VIPR2: variants seen among roughly 807,000 people sequenced by gnomAD.
VIPR2 encodes vasoactive intestinal peptide receptor 2.
VIPR2 carries 48 observed loss-of-function variants against 58.0 expected under a neutral mutation model. The ratio of observed to expected loss-of-function variants is 0.83; its 90% CI spans 0.66 to 1.05. The LOEUF (loss-of-function observed/expected upper bound fraction) is 1.05. VIPR2 is among the 50% of genes least tolerant of loss of function. VIPR2 has a pLI of 0.00. For synonymous variants in VIPR2, 243 were observed against 235.2 expected, an observed-to-expected ratio of 1.03 and a Z score of -0.30; for missense variants, 534 against 558.0, an observed-to-expected ratio of 0.96 and a Z score of 0.43.
intron 5 of VIPR2, among the ~76,000 whole-genome samples, chr7:159,053,798 T>C (rs1855143410): frequency 6.6e-6 from 1 of 152,224 alleles, no homozygotes. Flanking sequence ...TCATTCTGTC[T>C]TGGCCTCCCA....
At chr7:159,138,215 C>T (rs1297527764) in intron 2 of VIPR2, among the ~76,000 whole-genome samples, 1 of 152,222 alleles carries the variant, frequency 6.6e-6, no homozygotes, top group Non-Finnish European at 1.5e-5. Flanking sequence ...TCAGTGCCCA[C>T]ATGACGCTGT....
Position 159,099,220 on chromosome 7 carries a change from G to A in VIPR2, c.357+4537C>T, listed in dbSNP as rs1585489441. On this transcript the variant is annotated intron_variant, in intron 4 of 12. Transcript: ENST00000262178. This position sits in a 1 kb window ranked among gnomAD's most constrained non-coding sequence, Gnocchi z 4.2. ...TTTCTAATCCCTTAGCAGTGAATAT[G>A]CACTTATAATATTTGCAGAATCTCT... Among the ~76,000 whole-genome samples the A allele has an allele frequency of 6.6e-6, 1 of 152,194 alleles. No individual in the cohort carries two copies. Among genetic ancestry groups the A allele is most frequent in the Non-Finnish European group, 1.5e-5 (1 of 68,038 alleles).
intron 4 of VIPR2, among the ~76,000 whole-genome samples, chr7:159,078,446 G>T (rs941729035): frequency 6.6e-6 from 1 of 152,100 alleles, no homozygotes; most frequent in Admixed American, 6.5e-5. Flanking sequence ...AACACTGTAA[G>T]GCACTAATGC....
intron 4 of VIPR2, among the ~76,000 whole-genome samples, chr7:159,094,215 C>T (rs1049522793): frequency 1.2e-4 from 19 of 152,286 alleles, no homozygotes; most frequent in Admixed American, 3.3e-4. Context: ...AAACCTGTGG[C>T]TTCACTTCCA....
chr7:159,092,236 C>T lies in VIPR2; in HGVS notation c.357+11521G>A, dbSNP rs1234240304. ...TTAAGCAAAAGGACACAGCAATGGACGGCTGGGGCCCAGAGCGAAATTGGC... is the reference window on the plus strand; with the variant it reads ...TTAAGCAAAAGGACACAGCAATGGATGGCTGGGGCCCAGAGCGAAATTGGC... On this transcript the variant is annotated intron_variant, in intron 4 of 12. Transcript: ENST00000262178. Among the ~76,000 whole-genome samples the T allele has an allele frequency of 2.6e-5, 4 of 152,192 alleles. No individual in the cohort carries two copies. The East Asian group carries it at 5.8e-4, about 22-fold the overall frequency.
chr7:159,119,965 G>A lies in VIPR2; in HGVS notation c.152-10046C>T, dbSNP rs189040338. Among the ~76,000 whole-genome samples the A allele has an allele frequency of 4.0e-4, 61 of 152,074 alleles. 1 individual carries two copies. Among genetic ancestry groups the A allele is most frequent in the African/African-American group, 1.4e-3 (60 of 41,384 alleles). ...AATGCTTGTCCCCTTGATGCACAAA[G>A]CCTGGTAGGTGGGGTCGGAAGAAAT... On this transcript the variant is annotated intron_variant, in intron 2 of 12. Coordinates refer to ENST00000262178, the MANE Select transcript of VIPR2 (RefSeq NM_003382.5).
chr7:159,049,701 G>A lies in VIPR2; in HGVS notation c.456-6525C>T, dbSNP rs1299931012. Among the ~76,000 whole-genome samples the A allele has an allele frequency of 4.6e-5, 7 of 152,336 alleles. No individual in the cohort carries two copies. In the South Asian group the frequency reaches 6.2e-4, roughly 14 times the overall value. ...ACCAGAAAGCAGTGGCCAAGGGCGA[G>A]TACTTGGGGGAAATGCCTGCAGCTT... On this transcript the variant is annotated intron_variant, in intron 5 of 12. Transcript: ENST00000262178.
intron 5 of VIPR2, among the ~76,000 whole-genome samples, chr7:159,043,589 C>T (rs967026184): frequency 3.3e-5 from 5 of 152,234 alleles, no homozygotes; most frequent in South Asian, 2.1e-4. Context: ...AACGCTTAGC[C>T]GGGGGAAGGC....
At chr7:159,068,065 C>T (rs1043086820) in intron 4 of VIPR2, among the ~76,000 whole-genome samples, 16 of 152,182 alleles carry the variant, frequency 1.1e-4, no homozygotes, top group Admixed American at 7.2e-4. Context: ...GAACAGCAAC[C>T]GGCTCAGAAA....
intron 5 of VIPR2, among the ~76,000 whole-genome samples, chr7:159,054,472 A>C (rs1216959657): frequency 6.6e-6 from 1 of 152,270 alleles, no homozygotes; most frequent in Non-Finnish European, 1.5e-5. Flanking sequence ...CTAAACATTG[A>C]CTTAAATAGA....
rs188580016 is a variant in VIPR2, at chr7:159,128,037, C to G, written c.151+14409G>C. 5.8e-4 allele frequency among the ~76,000 whole-genome samples: 88 copies of G among 152,310 alleles called. No homozygotes were observed. The highest frequency in any genetic ancestry group is 3.3e-3 in the East Asian group (17 of 5,156). On this transcript the variant is annotated intron_variant, in intron 2 of 12. Coordinates refer to ENST00000262178, the MANE Select transcript of VIPR2 (RefSeq NM_003382.5). This position sits in a 1 kb window ranked among gnomAD's most constrained non-coding sequence, Gnocchi z 4.1. Reference sequence around the variant, plus strand: ...CGCCAGGACAAACCACCGCTCCCCCCACCTTGCAGCAGGGCCTGACCGTGG... The same window carrying G: ...CGCCAGGACAAACCACCGCTCCCCCGACCTTGCAGCAGGGCCTGACCGTGG...
At chr7:159,079,081 C>T (rs1408290697) in intron 4 of VIPR2, among the ~76,000 whole-genome samples, 4 of 152,106 alleles carry the variant, frequency 2.6e-5, no homozygotes, top group Admixed American at 6.5e-5. Context: ...TGAATGGCCG[C>T]ACTCTCAGCT....
chr7:159,101,958 C>T (rs976494495), intron 4 of VIPR2, among the ~76,000 whole-genome samples: 19 of 145,496 alleles, frequency 1.3e-4, no homozygotes, highest in Non-Finnish European at 2.2e-4. Flanking sequence ...TCACGAGATC[C>T]GACGAGGTGG....
At chr7:159,059,210 G>T (rs1265939822) in intron 4 of VIPR2, 1 of 470,856 alleles carries the variant, frequency 2.1e-6, no homozygotes, top group Non-Finnish European at 4.4e-6. Flanking sequence ...TATGACAACA[G>T]GGAATCCTAC....
At chr7:159,130,314 A>T (rs991955523) in intron 2 of VIPR2, among the ~76,000 whole-genome samples, 1 of 152,198 alleles carries the variant, frequency 6.6e-6, no homozygotes, top group Non-Finnish European at 1.5e-5. Context: ...TAGGGAGAGG[A>T]GAGGAGGCTG....
chr7:159,082,643 G>A (rs1856971201), intron 4 of VIPR2, among the ~76,000 whole-genome samples: 1 of 152,218 alleles, frequency 6.6e-6, no homozygotes, highest in African/African-American at 2.4e-5. Flanking sequence ...TTCTATGAGA[G>A]AGCAGCATTC....
At chr7:159,124,348 C>T (rs577532095) in intron 2 of VIPR2, among the ~76,000 whole-genome samples, 3 of 152,226 alleles carry the variant, frequency 2.0e-5, no homozygotes, top group South Asian at 2.1e-4. Context: ...AGTCCAGCTT[C>T]GATCTCCCAC....
intron 6 of VIPR2, 39 bp from the exon 7 acceptor site, chr7:159,036,941 A>G (rs763296133): frequency 1.9e-6 from 3 of 1,589,182 alleles, no homozygotes; most frequent in Non-Finnish European, 2.6e-6. Flanking sequence ...GCATGACCTC[A>G]TCCGGTAACA....
At chr7:159,112,051 C>G (rs1205527404) in intron 2 of VIPR2, among the ~76,000 whole-genome samples, 4 of 152,172 alleles carry the variant, frequency 2.6e-5, no homozygotes, top group Non-Finnish European at 5.9e-5. Context: ...AGTAAGATAA[C>G]TAATACATAA....
Sources: gnomAD v4.1 joint callset for allele counts (sites outside exome capture counted in the v4.1 genomes callset) on GRCh38, gnomAD v4.1.1 for gene constraint, Gnocchi (gnomAD v3.1) non-coding constraint, MANE v1.5 for transcripts, NCBI Gene and HGNC (gene_info 2026-07-23, HGNC 2026-07-21) for gene names.